The following FOXK1 variants were observed in gnomAD, a reference collection of about 807,000 sequenced individuals.
FOXK1 encodes the protein forkhead box K1.
A neutral mutation model predicts 51.9 loss-of-function variants in FOXK1; 19 were observed. That is an observed-to-expected ratio of 0.37 (90% CI 0.26 to 0.54). The LOEUF (loss-of-function observed/expected upper bound fraction) is 0.54, where lower values mean the gene tolerates loss of function less well. Among genes scored for constraint, FOXK1 ranks in the 20% least tolerant of loss-of-function variants. The pLI is 0.87. For synonymous variants in FOXK1, 537 were observed against 482.6 expected (o/e 1.11, Z -1.48); for missense variants, 870 against 1,032.7 (o/e 0.84, Z 2.16).
rs75879914 is a variant in FOXK1, at chr7:4,683,712, T to C, written c.560+844T>C. On this transcript the variant is annotated intron_variant, in intron 1 of 8. Transcript: ENST00000328914. This position sits in a 1 kb window ranked among gnomAD's most constrained non-coding sequence, Gnocchi z 4.5. ...GCCTGCCGTCCTGGACCCCAGTGGCTACCCCTGACCCTGTCTGGTCTGGAC... is the reference window on the plus strand; with the variant it reads ...GCCTGCCGTCCTGGACCCCAGTGGCCACCCCTGACCCTGTCTGGTCTGGAC... Among the ~76,000 whole-genome samples the C allele has an allele frequency of 0.11, 16,473 of 151,750 alleles. 1,028 individuals carry two copies. Among genetic ancestry groups the C allele is most frequent in the South Asian group, 0.23 (1,107 of 4,790 alleles).
chr7:4,725,992 C>T (rs753065682), intron 1 of FOXK1, among the ~76,000 whole-genome samples: 1 of 150,082 alleles, frequency 6.7e-6, no homozygotes, highest in Non-Finnish European at 1.5e-5. Flanking sequence ...GACACTGTCC[C>T]TGTTTTCTTT....
chr7:4,683,460 A>T lies in FOXK1; in HGVS notation c.560+592A>T, dbSNP rs2115024955. Reference sequence around the variant, plus strand: ...AGTCACCCCTGACCGCTAACCCCACAAGCCTGGGCTCGCAGGGCCACTCCC... The same window carrying T: ...AGTCACCCCTGACCGCTAACCCCACTAGCCTGGGCTCGCAGGGCCACTCCC... On this transcript the variant is annotated intron_variant, in intron 1 of 8. Transcript: ENST00000328914. The surrounding 1 kb of genome is among the most constrained non-coding windows in gnomAD (Gnocchi z 4.5). 6.7e-6 allele frequency among the ~76,000 whole-genome samples: 1 copy of T among 148,678 alleles called. No individual in the cohort carries two copies. Among genetic ancestry groups the T allele is most frequent in the East Asian group, 2.0e-4 (1 of 4,978 alleles).
At chr7:4,757,790 T>C (rs1359266048) in intron 5 of FOXK1, among the ~76,000 whole-genome samples, 1 of 151,962 alleles carries the variant, frequency 6.6e-6, no homozygotes, top group African/African-American at 2.4e-5. Flanking sequence ...TGTATGCAAA[T>C]GCGACACCAT....
rs147566143 is a variant in FOXK1 at position 4,761,167 on chromosome 7, G to A, written c.1800G>A (p.Thr600=). 7.4e-6 allele frequency: 12 copies of A among 1,612,700 alleles called. No individual in the cohort carries two copies. The highest frequency in any genetic ancestry group is 6.7e-5 in the East Asian group (3 of 44,864). ...TGGCCCCCGGGGTCCCCGGACACAC[G>A]GTCACCATCCTGCAGCCCGCCACAC... is the stretch of plus-strand genomic sequence containing the variant. ...SQMAPGVPGH[T]VTILQPATPV... is the part of the protein sequence containing the mutation. The change falls in exon 8 of 9, where the codon ACG becomes ACA. Residue 600 remains threonine, a synonymous_variant. Transcript: ENST00000328914. This position sits in a 1 kb window ranked among gnomAD's most constrained non-coding sequence, Gnocchi z 6.2.
At chr7:4,701,102 C>G (rs1780015361) in intron 1 of FOXK1, among the ~76,000 whole-genome samples, 1 of 152,190 alleles carries the variant, frequency 6.6e-6, no homozygotes, top group Non-Finnish European at 1.5e-5. Flanking sequence ...GGCTGTCATT[C>G]CTAGGCAGCA....
At chr7:4,724,260 ATC>A (rs1421102672) in intron 1 of FOXK1, among the ~76,000 whole-genome samples, 5 of 152,020 alleles carry the variant, frequency 3.3e-5, no homozygotes, top group Admixed American at 6.6e-5. Flanking sequence ...CAGTGGTGCA[ATC>A]TCGGCTCACT....
intron 1 of FOXK1, among the ~76,000 whole-genome samples, chr7:4,738,157 C>T (rs1460286768): frequency 2.0e-5 from 3 of 149,996 alleles, no homozygotes; most frequent in Non-Finnish European, 3.0e-5. Context: ...GGTGATGTGG[C>T]CAGTCACGGT....
At chr7:4,705,554 T>G (rs6965010) in intron 1 of FOXK1, among the ~76,000 whole-genome samples, 5,291 of 131,524 alleles carry the variant, frequency 0.04, 356 homozygotes, top group African/African-American at 0.15. Flanking sequence ...TCTCTCTCTC[T>G]CTCTCGCTCT....
chr7:4,684,140 T>C (rs903323069), intron 1 of FOXK1, among the ~76,000 whole-genome samples: 1 of 152,194 alleles, frequency 6.6e-6, no homozygotes, highest in Non-Finnish European at 1.5e-5. Context: ...GACCTCAAGG[T>C]CTGTTGATCA....
rs553320447 is a variant in FOXK1 at position 4,747,816 on chromosome 7, C to T, written c.747-6643C>T. The stretch of plus-strand genomic sequence containing the variant: ...AAGTGCCAAGATTACAAGCCTGGGC[C>T]TGTTTTTGTTGTGGTTGTTGTTGCC... On this transcript the variant is annotated intron_variant, in intron 2 of 8. Coordinates refer to ENST00000328914, the MANE Select transcript of FOXK1 (RefSeq NM_001037165.2). This position sits in a 1 kb window ranked among gnomAD's most constrained non-coding sequence, Gnocchi z 9.2. Among the ~76,000 whole-genome samples the T allele has an allele frequency of 6.6e-6, 1 of 151,992 alleles. No homozygotes were observed. Among genetic ancestry groups the T allele is most frequent in the Non-Finnish European group, 1.5e-5 (1 of 67,990 alleles).
chr7:4,768,410 G>A lies in FOXK1; in HGVS notation c.*5946G>A, dbSNP rs888522892. 7.2e-6 allele frequency: 1 copy of A among 138,340 alleles called. No individual in the cohort carries two copies. The highest frequency in any genetic ancestry group is 3.4e-5 in the African/African-American group (1 of 29,196). 8.6% of individuals were successfully genotyped at this position (138,340 alleles called of 1,614,324 possible). A position where few individuals can be genotyped will look rare whatever the true frequency, so the allele number is the denominator to read the frequency against. ...GCCTCCCAAAGTGCTGGGATTACAGGCGTGAGCCACCGCGCCCGGCCCACT... is the reference window on the plus strand; with the variant it reads ...GCCTCCCAAAGTGCTGGGATTACAGACGTGAGCCACCGCGCCCGGCCCACT... On this transcript the variant is annotated 3_prime_UTR_variant, in exon 9 of 9. Transcript: ENST00000328914.
rs145875348 is a variant in FOXK1, at chr7:4,761,264, A to G, written c.1897A>G (p.Asn633Asp). 6.2e-7 allele frequency: 1 copy of G among 1,612,874 alleles called. No homozygotes were observed. Among genetic ancestry groups the G allele is most frequent in the South Asian group, 1.1e-5 (1 of 91,078 alleles). ...GAACGGAAAGCATGCGGTTCCCACG[A>G]ACAGTTTAGCCGGCAACGCTTACGG... ...TQNGKHAVPT[N>D]SLAGNAYALT... The change falls in exon 8 of 9, where the codon AAC becomes GAC. Residue 633 changes from asparagine (N) to aspartate (D), a missense_variant. Physicochemically the swap from Asn to Asp is conservative, Grantham distance 23. Coordinates refer to ENST00000328914, the MANE Select transcript of FOXK1 (RefSeq NM_001037165.2). The surrounding 1 kb of genome is among the most constrained non-coding windows in gnomAD (Gnocchi z 6.2).
intron 1 of FOXK1, among the ~76,000 whole-genome samples, chr7:4,716,920 C>A (rs910107289): frequency 2.0e-5 from 3 of 152,180 alleles, no homozygotes; most frequent in African/African-American, 7.2e-5. Flanking sequence ...AGCACATCCC[C>A]AGGTGAAGGG....
chr7:4,697,912 C>T (rs372112749), intron 1 of FOXK1, among the ~76,000 whole-genome samples: 2 of 152,032 alleles, frequency 1.3e-5, no homozygotes, highest in Admixed American at 6.6e-5. Context: ...GTAACCTCCA[C>T]TTCCTGGGTT....
rs770973811 is a variant in FOXK1, at chr7:4,756,762, CAAA to C, written c.1051-220_1051-218del. Among the ~76,000 whole-genome samples, 2 of 131,198 alleles carry C rather than the reference CAAA, an allele frequency of 1.5e-5. No homozygotes were observed. Among genetic ancestry groups the C allele is most frequent in the Admixed American group, 7.6e-5 (1 of 13,108 alleles). The allele number at this position is 131,198 out of a possible 152,430, so 86.1% of individuals were successfully genotyped here. On this transcript the variant is annotated intron_variant, in intron 4 of 8. Coordinates refer to ENST00000328914, the MANE Select transcript of FOXK1 (RefSeq NM_001037165.2). This position sits in a 1 kb window ranked among gnomAD's most constrained non-coding sequence, Gnocchi z 4.1. ...CCTGGGCGACAGAATGAGACTCCGT[CAAA>C]AAAAAAAAAAAGGTAAAATGGTAAT...
Position 4,762,236 on chromosome 7 carries a change from G to T in FOXK1, c.1974G>T (p.Pro658=). ...LLATQASSSA[P]VVVTRVCEVG... is the part of the protein sequence containing the mutation. ...CGACCCAAGCGAGTTCATCCGCGCCGGTGGTGGTCACCCGGGTGTGCGAGG... is the reference window on the plus strand; with the variant it reads ...CGACCCAAGCGAGTTCATCCGCGCCTGTGGTGGTCACCCGGGTGTGCGAGG... Residue 658 remains proline (P), a synonymous_variant, in exon 9 of 9, where the codon CCG becomes CCT. Coordinates refer to ENST00000328914, the MANE Select transcript of FOXK1 (RefSeq NM_001037165.2). The surrounding 1 kb of genome is among the most constrained non-coding windows in gnomAD (Gnocchi z 5.7). The T allele has an allele frequency of 6.4e-7, 1 of 1,554,132 alleles. No individual in the cohort carries two copies. Among genetic ancestry groups the T allele is most frequent in the Non-Finnish European group, 8.7e-7 (1 of 1,148,332 alleles).
intron 1 of FOXK1, among the ~76,000 whole-genome samples, chr7:4,698,916 A>T (rs924424638): frequency 6.6e-6 from 1 of 152,024 alleles, no homozygotes; most frequent in Admixed American, 6.6e-5. Flanking sequence ...TCAAACTCCT[A>T]GGCTCAAATG....
At position 4,682,914 on chromosome 7, in the gene FOXK1, A is replaced by G. The variant is rs1450374325; in HGVS notation, c.560+46A>G. On this transcript the variant is annotated intron_variant, in intron 1 of 8. Coordinates refer to ENST00000328914, the MANE Select transcript of FOXK1 (RefSeq NM_001037165.2). The surrounding 1 kb of genome is among the most constrained non-coding windows in gnomAD (Gnocchi z 7.6). ...CGCCGCCCGCACCCGGGGCTCGCCC[A>G]CGACCTCGATCTCTGAGGCCCGGGC... 1 of 1,412,738 alleles carries G rather than the reference A, an allele frequency of 7.1e-7. No homozygotes were observed. Among genetic ancestry groups the G allele is most frequent in the South Asian group, 1.4e-5 (1 of 69,064 alleles). The allele number at this position is 1,412,738 out of a possible 1,614,324, so 87.5% of individuals were successfully genotyped here.
Position 4,682,445 on chromosome 7 carries a change from C to T in FOXK1, c.137C>T (p.Pro46Leu). The change falls in exon 1 of 9, where the codon CCC becomes CTC. Residue 46 changes from proline to leucine, a missense_variant. Transcript: ENST00000328914. The surrounding 1 kb of genome is among the most constrained non-coding windows in gnomAD (Gnocchi z 7.6). ...GCACCCCCGCCGGCCCCCGCGCAGC[C>T]CCAGCCTCCGCCCGGGCCGCCGCCG... The part of the protein sequence containing the change: ...AAAPPPAPAQ[P>L]QPPPGPPPPP... 1 of 983,000 alleles carries T rather than the reference C, an allele frequency of 1.0e-6. No individual in the cohort carries two copies. Among genetic ancestry groups the T allele is most frequent in the Non-Finnish European group, 1.2e-6 (1 of 830,112 alleles). 60.9% of individuals were successfully genotyped at this position (983,000 alleles called of 1,614,324 possible).
Sources: gnomAD v4.1 joint callset for allele counts (sites outside exome capture counted in the v4.1 genomes callset) on GRCh38, gnomAD v4.1.1 for gene constraint, Gnocchi (gnomAD v3.1) non-coding constraint, MANE v1.5 for transcripts, NCBI Gene and HGNC (gene_info 2026-07-23, HGNC 2026-07-21) for gene names.